LRP1B: variants seen among roughly 807,000 people sequenced by gnomAD.
The protein encoded by LRP1B is low-density lipoprotein receptor-related protein 1B.
Under a neutral mutation model 556.6 loss-of-function variants are expected in LRP1B, and 217 were observed. The observed-to-expected ratio is 0.39, with a 90% CI of 0.35 to 0.44. The LOEUF is 0.44. Among genes scored for constraint, LRP1B ranks in the 20% least tolerant of loss-of-function variants. LRP1B has a pLI of 1.00. For synonymous variants in LRP1B, 2,047 were observed against 1,865.8 expected (o/e 1.10, Z -2.50); for missense variants, 5,053 against 5,620.8 (o/e 0.90, Z 3.23).
chr2:141,107,215 T>A (rs1003466288), intron 7 of LRP1B, among the ~76,000 whole-genome samples: 1 of 152,194 alleles, frequency 6.6e-6, no homozygotes, highest in Non-Finnish European at 1.5e-5. Context: ...TATCATTAAA[T>A]TTTTTATGTG....
At chr2:140,299,555 T>A (rs1012368031) in intron 83 of LRP1B, among the ~76,000 whole-genome samples, 9 of 152,120 alleles carry the variant, frequency 5.9e-5, no homozygotes, top group African/African-American at 2.2e-4. Flanking sequence ...TAACTTTTAG[T>A]AGATATTTTC....
intron 41 of LRP1B, among the ~76,000 whole-genome samples, chr2:140,698,037 T>C (rs556612781): frequency 8.5e-5 from 13 of 152,210 alleles, no homozygotes; most frequent in Admixed American, 8.5e-4. Context: ...TTGTATGATG[T>C]GTAAACTATA....
chr2:141,269,178 T>C (rs1684998231), intron 3 of LRP1B, among the ~76,000 whole-genome samples: 1 of 152,122 alleles, frequency 6.6e-6, no homozygotes, highest in Non-Finnish European at 1.5e-5. Flanking sequence ...AAAGGAACTG[T>C]CAAAAACAAT....
intron 66 of LRP1B, among the ~76,000 whole-genome samples, chr2:140,422,479 T>A (rs991728185): frequency 7.9e-5 from 12 of 152,164 alleles, no homozygotes; most frequent in African/African-American, 2.9e-4. Flanking sequence ...CCAAAGCATA[T>A]AACTTGGGAA....
intron 22 of LRP1B, 78 bp from the exon 23 acceptor site, chr2:140,903,243 T>G: frequency 6.7e-7 from 1 of 1,501,600 alleles, no homozygotes; most frequent in Non-Finnish European, 9.0e-7. Flanking sequence ...AACTCAATTC[T>G]CTAAGCCTAC....
intron 33 of LRP1B, among the ~76,000 whole-genome samples, chr2:140,772,317 A>G (rs1203162180): frequency 6.6e-6 from 1 of 151,216 alleles, no homozygotes; most frequent in African/African-American, 2.4e-5. Context: ...GTATGTATAT[A>G]TATATTATTT....
intron 77 of LRP1B, among the ~76,000 whole-genome samples, chr2:140,344,906 AAAAG>A (rs976139063): frequency 2.0e-5 from 3 of 151,840 alleles, no homozygotes; most frequent in Non-Finnish European, 2.9e-5. Context: ...TGAGGGGAAA[AAAAG>A]AAATGTTAAA....
intron 41 of LRP1B, among the ~76,000 whole-genome samples, chr2:140,625,161 G>A (rs137875256): frequency 2.6e-4 from 39 of 152,172 alleles, no homozygotes; most frequent in African/African-American, 8.4e-4. Context: ...TCTGGAGAAG[G>A]GTAGAAGCAG....
chr2:142,126,017 T>C (rs958083036), intron 1 of LRP1B, among the ~76,000 whole-genome samples: 9 of 151,884 alleles, frequency 5.9e-5, no homozygotes, highest in African/African-American at 1.9e-4. Context: ...TGAGCATATA[T>C]TCTGATTAAT....
intron 2 of LRP1B, among the ~76,000 whole-genome samples, chr2:141,543,632 G>A (rs1358598140): frequency 6.6e-6 from 1 of 151,796 alleles, no homozygotes; most frequent in Non-Finnish European, 1.5e-5. Context: ...GGCTGAAGCA[G>A]GAGGATTGCT....
At chr2:140,940,056 G>T (rs770993222) in intron 20 of LRP1B, among the ~76,000 whole-genome samples, 1 of 151,556 alleles carries the variant, frequency 6.6e-6, no homozygotes, top group Non-Finnish European at 1.5e-5. Flanking sequence ...GCTAATTTTT[G>T]TATTTTTTGG....
chr2:141,847,490 CA>C (rs1439161119), intron 1 of LRP1B, among the ~76,000 whole-genome samples: 1 of 151,368 alleles, frequency 6.6e-6, no homozygotes, highest in Non-Finnish European at 1.5e-5. Context: ...TTGGCTGAAA[CA>C]ACTTTGGAAA....
intron 2 of LRP1B, among the ~76,000 whole-genome samples, chr2:141,569,230 G>T (rs542201272): frequency 1.3e-5 from 2 of 150,870 alleles, no homozygotes; most frequent in Non-Finnish European, 3.0e-5. Flanking sequence ...GAGAAAAATC[G>T]CTACAATGTC....
chr2:140,806,025 G>A (rs1229053289), intron 32 of LRP1B, among the ~76,000 whole-genome samples: 1 of 151,954 alleles, frequency 6.6e-6, no homozygotes, highest in African/African-American at 2.4e-5. Context: ...CCTCATGAAT[G>A]AAATTAGTGA....
chr2:140,438,621 G>A (rs994530150), intron 66 of LRP1B, among the ~76,000 whole-genome samples: 8 of 152,208 alleles, frequency 5.3e-5, no homozygotes, highest in East Asian at 1.9e-4. Flanking sequence ...GCCAGGTTGC[G>A]GAAAATACAA....
At chr2:141,763,928 G>C (rs1357602417) in intron 2 of LRP1B, among the ~76,000 whole-genome samples, 1 of 151,928 alleles carries the variant, frequency 6.6e-6, no homozygotes, top group Non-Finnish European at 1.5e-5. Context: ...GTAACCTCTG[G>C]GTGATGGTAA....
chr2:141,143,074 G>A (rs562515934), intron 7 of LRP1B, among the ~76,000 whole-genome samples: 8 of 151,900 alleles, frequency 5.3e-5, no homozygotes, highest in South Asian at 2.1e-4. Context: ...GATTACAGGC[G>A]CGTGCTACCA....
chr2:141,865,072 A>G (rs1698362397), intron 1 of LRP1B, among the ~76,000 whole-genome samples: 3 of 152,138 alleles, frequency 2.0e-5, no homozygotes, highest in Non-Finnish European at 4.4e-5. Context: ...TACATATTAA[A>G]TGCTACCCTT....
At chr2:141,457,863 G>T (rs1307137547) in intron 3 of LRP1B, among the ~76,000 whole-genome samples, 4 of 152,070 alleles carry the variant, frequency 2.6e-5, no homozygotes, top group African/African-American at 9.7e-5. Flanking sequence ...GGGCTTCTGG[G>T]GTACAAAGAC....
Sources: gnomAD v4.1 joint callset for allele counts (sites outside exome capture counted in the v4.1 genomes callset) on GRCh38, gnomAD v4.1.1 for gene constraint, MANE v1.5 for transcripts, NCBI Gene and HGNC (gene_info 2026-07-23, HGNC 2026-07-21) for gene names.